The following AGAP1 variants were observed in gnomAD, a reference collection of about 807,000 sequenced individuals.
AGAP1 encodes the protein ArfGAP with GTPase domain, ankyrin repeat and PH domain 1, also known as arf-GAP with GTPase, ANK repeat and PH domain-containing protein 1.
AGAP1 carries 29 observed loss-of-function variants against 105.3 expected under a neutral mutation model. The ratio of observed to expected loss-of-function variants is 0.28; its 90% CI spans 0.21 to 0.38. AGAP1 has a LOEUF of 0.38. Among genes scored for constraint, AGAP1 ranks in the 10% least tolerant of loss-of-function variants. The probability of loss-of-function intolerance (pLI) is 1.00; values close to 1 mark genes in which losing one functional copy is unlikely to be tolerated. For missense variants in AGAP1, 998 were observed against 1,165.1 expected, an observed-to-expected ratio of 0.86 and a Z score of 2.09; for synonymous variants, 509 against 485.9, an observed-to-expected ratio of 1.05 and a Z score of -0.63.
At chr2:236,116,394 C>T (rs1056067840) in intron 16 of AGAP1, among the ~76,000 whole-genome samples, 2 of 126,140 alleles carry the variant, frequency 1.6e-5, no homozygotes, top group Admixed American at 1.8e-4. Context: ...CTGTCGCCCA[C>T]GCTGGAGTGC....
chr2:235,873,626 C>T (rs558980336), intron 9 of AGAP1, among the ~76,000 whole-genome samples: 27 of 152,270 alleles, frequency 1.8e-4, no homozygotes. Flanking sequence ...CAAGGAAGAG[C>T]AAGCCTGTGT....
chr2:235,802,957 T>C, intron 8 of AGAP1, among the ~76,000 whole-genome samples: 1 of 151,912 alleles, frequency 6.6e-6, no homozygotes, highest in African/African-American at 2.4e-5. Context: ...GTGGTGATGA[T>C]GGTTGTGATG....
Position 235,951,659 on chromosome 2 carries a change from A to G in AGAP1, c.1484-16803A>G, listed in dbSNP as rs936245807. Among the ~76,000 whole-genome samples, 2 of 152,076 alleles carry G rather than the reference A, an allele frequency of 1.3e-5. No individual in the cohort carries two copies. The highest frequency in any genetic ancestry group is 6.5e-5 in the Admixed American group (1 of 15,270). On this transcript the variant is annotated intron_variant, in intron 12 of 17. Coordinates refer to ENST00000304032, the MANE Select transcript of AGAP1 (RefSeq NM_001037131.3). This position sits in a 1 kb window ranked among gnomAD's most constrained non-coding sequence, Gnocchi z 4.2. ...GTGGCTCGTGTCACTACCCTTTGCTACAGCTGTTGTTTCTCACTGATTCAT... is the reference window on the plus strand; with the variant it reads ...GTGGCTCGTGTCACTACCCTTTGCTGCAGCTGTTGTTTCTCACTGATTCAT...
intron 10 of AGAP1, among the ~76,000 whole-genome samples, chr2:235,899,793 G>A (rs1005677893): frequency 2.1e-5 from 3 of 143,390 alleles, no homozygotes; most frequent in Admixed American, 7.0e-5. Flanking sequence ...TTTCATATCC[G>A]AGGCATGCAT....
At chr2:235,780,165 G>A (rs1243041252) in intron 6 of AGAP1, among the ~76,000 whole-genome samples, 1 of 152,076 alleles carries the variant, frequency 6.6e-6, no homozygotes, top group Non-Finnish European at 1.5e-5. Context: ...TGATACAGTG[G>A]TGCCTAATTT....
intron 1 of AGAP1, among the ~76,000 whole-genome samples, chr2:235,613,957 T>C: frequency 6.6e-6 from 1 of 152,094 alleles, no homozygotes; most frequent in Admixed American, 6.5e-5. Flanking sequence ...GCAAGAACCC[T>C]TTGTTAATGG....
chr2:236,078,678 C>T lies in AGAP1; in HGVS notation c.2114+29397C>T, dbSNP rs1213281308. Among the ~76,000 whole-genome samples, 2 of 152,212 alleles carry T rather than the reference C, an allele frequency of 1.3e-5. No individual in the cohort carries two copies. Among genetic ancestry groups the T allele is most frequent in the African/African-American group, 2.4e-5 (1 of 41,456 alleles). The stretch of plus-strand genomic sequence containing the variant: ...CTTGACTCCAGATGGGTTTCACACA[C>T]GTCTGTCCCCTACCTGGCTCCTGTG... On this transcript the variant is annotated intron_variant, in intron 16 of 17. Transcript: ENST00000304032. This position sits in a 1 kb window ranked among gnomAD's most constrained non-coding sequence, Gnocchi z 5.3.
chr2:235,613,097 G>A (rs561901940), intron 1 of AGAP1, among the ~76,000 whole-genome samples: 16 of 149,876 alleles, frequency 1.1e-4, no homozygotes, highest in African/African-American at 3.2e-4. Flanking sequence ...GTACGATCTC[G>A]GCTCAGTGTA....
chr2:235,927,120 T>C lies in AGAP1; in HGVS notation c.1325-3645T>C, dbSNP rs1212907321. On this transcript the variant is annotated intron_variant, in intron 11 of 17. Transcript: ENST00000304032. This position sits in a 1 kb window ranked among gnomAD's most constrained non-coding sequence, Gnocchi z 4.4. ...CCTTGATGTGGCCCAAATTCAGTCA[T>C]GCTGTTTCAGTGTAGTCCCGCAGTG... Among the ~76,000 whole-genome samples, 1 of 152,206 alleles carries C rather than the reference T, an allele frequency of 6.6e-6. No individual in the cohort carries two copies. The highest frequency in any genetic ancestry group is 1.5e-5 in the Non-Finnish European group (1 of 68,040).
intron 11 of AGAP1, among the ~76,000 whole-genome samples, chr2:235,922,335 C>T (rs186962276): frequency 1.3e-5 from 2 of 152,200 alleles, no homozygotes; most frequent in Non-Finnish European, 2.9e-5. Flanking sequence ...GTTTTACACT[C>T]AAGTGCTCAT....
intron 1 of AGAP1, among the ~76,000 whole-genome samples, chr2:235,594,301 TC>T (rs1450108102): frequency 1.3e-5 from 2 of 150,414 alleles, no homozygotes; most frequent in African/African-American, 4.9e-5. Flanking sequence ...TTTTTTTTTT[TC>T]ATATTTAAAT....
rs1027563067 is a variant in AGAP1 at position 235,927,620 on chromosome 2, G to A, written c.1325-3145G>A. On this transcript the variant is annotated intron_variant, in intron 11 of 17. Transcript: ENST00000304032. This position sits in a 1 kb window ranked among gnomAD's most constrained non-coding sequence, Gnocchi z 4.4. ...TTCGTGGTCCCTTGTCTGGGGTTGA[G>A]ATTGACTTGGCTCTCCTTACTGTGT... Among the ~76,000 whole-genome samples, 15 of 152,318 alleles carry A rather than the reference G, an allele frequency of 9.8e-5. No individual in the cohort carries two copies. The South Asian group carries it at 2.1e-3, about 21-fold the overall frequency.
rs1950188090 is a variant in AGAP1 at position 235,700,329 on chromosome 2, G to A, written c.164-8850G>A. Among the ~76,000 whole-genome samples, 1 of 152,132 alleles carries A rather than the reference G, an allele frequency of 6.6e-6. No homozygotes were observed. Among genetic ancestry groups the A allele is most frequent in the Non-Finnish European group, 1.5e-5 (1 of 68,030 alleles). Reference sequence around the variant, plus strand: ...TGTTTTCACATTTTAAGAAGGAAAGGGCAATTTTCTTCCTTGCCGTTTTGA... The same window carrying A: ...TGTTTTCACATTTTAAGAAGGAAAGAGCAATTTTCTTCCTTGCCGTTTTGA... On this transcript the variant is annotated intron_variant, in intron 1 of 17. Coordinates refer to ENST00000304032, the MANE Select transcript of AGAP1 (RefSeq NM_001037131.3). This position sits in a 1 kb window ranked among gnomAD's most constrained non-coding sequence, Gnocchi z 6.1.
At position 235,967,684 on chromosome 2, in the gene AGAP1, C is replaced by T. The variant is rs1472939536; in HGVS notation, c.1484-778C>T. Among the ~76,000 whole-genome samples, 2 of 152,202 alleles carry T rather than the reference C, an allele frequency of 1.3e-5. No homozygotes were observed. Among genetic ancestry groups the T allele is most frequent in the Non-Finnish European group, 2.9e-5 (2 of 68,036 alleles). On this transcript the variant is annotated intron_variant, in intron 12 of 17. Transcript: ENST00000304032. This position sits in a 1 kb window ranked among gnomAD's most constrained non-coding sequence, Gnocchi z 4.7. ...GCATGCACCACCTGTTTTTCCTGCA[C>T]GTTTTCAGTGGGCTTTTTTCCACCC...
chr2:235,723,288 G>A lies in AGAP1; in HGVS notation c.310+5644G>A, dbSNP rs2149574049. Among the ~76,000 whole-genome samples the A allele has an allele frequency of 6.6e-6, 1 of 152,320 alleles. No homozygotes were observed. The highest frequency in any genetic ancestry group is 1.9e-4 in the East Asian group (1 of 5,188). ...GGTGTGTAATGTGACTTCCCTCGTG[G>A]TGTGTTTATGTGCTTAATATTCAGC... On this transcript the variant is annotated intron_variant, in intron 3 of 17. Transcript: ENST00000304032. The surrounding 1 kb of genome is among the most constrained non-coding windows in gnomAD (Gnocchi z 6.2).
In AGAP1 at chr2:235,691,683, G is replaced by A. The variant is rs918761226; in HGVS notation, c.164-17496G>A. Among the ~76,000 whole-genome samples, 13 of 152,230 alleles carry A rather than the reference G, an allele frequency of 8.5e-5. No individual in the cohort carries two copies. The highest frequency in any genetic ancestry group is 3.1e-4 in the African/African-American group (13 of 41,452). ...TTTGGGCTTATGCACATCTGCAGAA[G>A]GCTGCAAGCTGGGGAACTGAGGGGC... On this transcript the variant is annotated intron_variant, in intron 1 of 17. Coordinates refer to ENST00000304032, the MANE Select transcript of AGAP1 (RefSeq NM_001037131.3). This position sits in a 1 kb window ranked among gnomAD's most constrained non-coding sequence, Gnocchi z 4.4.
intron 16 of AGAP1, among the ~76,000 whole-genome samples, chr2:236,094,071 A>T (rs902426004): frequency 2.0e-5 from 3 of 152,214 alleles, no homozygotes; most frequent in African/African-American, 7.2e-5. Flanking sequence ...ATATAAATGC[A>T]TGTCACTGTG....
rs371485225 is a variant in AGAP1, at chr2:235,714,547, G to A, written c.223-3010G>A. 2.6e-4 allele frequency among the ~76,000 whole-genome samples: 40 copies of A among 151,772 alleles called. No individual in the cohort carries two copies. The highest frequency in any genetic ancestry group is 9.2e-4 in the African/African-American group (38 of 41,402). ...TTGACTAGAAGGCCAAGCAGGGAGCGGGCAGATGAGAGGCGGGAGGGTTGT... is the reference window on the plus strand; with the variant it reads ...TTGACTAGAAGGCCAAGCAGGGAGCAGGCAGATGAGAGGCGGGAGGGTTGT... On this transcript the variant is annotated intron_variant, in intron 2 of 17. Transcript: ENST00000304032. This position sits in a 1 kb window ranked among gnomAD's most constrained non-coding sequence, Gnocchi z 4.1.
In AGAP1 at chr2:236,131,541, T is replaced by C. The variant is rs1189380095; in HGVS notation, c.*7419T>C. On this transcript the variant is annotated 3_prime_UTR_variant, in exon 18 of 18. Coordinates refer to ENST00000304032, the MANE Select transcript of AGAP1 (RefSeq NM_001037131.3). This position sits in a 1 kb window ranked among gnomAD's most constrained non-coding sequence, Gnocchi z 5.9. ...CATTCAGCAACTTTATGTTTCACAA[T>C]GACTCAATGATGCTTTATTTATATT... The C allele has an allele frequency of 6.6e-6, 1 of 152,206 alleles. No individual in the cohort carries two copies. Among genetic ancestry groups the C allele is most frequent in the Non-Finnish European group, 1.5e-5 (1 of 68,024 alleles). The allele number at this position is 152,206 out of a possible 1,614,324, so 9.4% of individuals were successfully genotyped here.
Sources: allele counts gnomAD v4.1 joint callset (sites outside exome capture counted in the v4.1 genomes callset), GRCh38; gene constraint gnomAD v4.1.1; non-coding constraint Gnocchi (gnomAD v3.1); transcripts MANE v1.5; gene names NCBI Gene and HGNC (gene_info 2026-07-23, HGNC 2026-07-21).